TMEM178B: variants seen among roughly 807,000 people sequenced by gnomAD.
TMEM178B encodes the protein transmembrane protein 178B.
Under a neutral mutation model 31.0 loss-of-function variants are expected in TMEM178B, and 5 were observed. That is an observed-to-expected ratio of 0.16 (90% CI 0.08 to 0.34). TMEM178B has a LOEUF of 0.34. Ranked by LOEUF, TMEM178B falls within the 10% of genes least tolerant of loss-of-function variation. The pLI, the probability that TMEM178B is intolerant of heterozygous loss-of-function variation, is 1.00. For synonymous variants in TMEM178B, 164 were observed against 164.0 expected, an observed-to-expected ratio of 1.00 and a Z score of 0.00; for missense variants, 275 against 400.3, an observed-to-expected ratio of 0.69 and a Z score of 2.67.
intron 2 of TMEM178B, among the ~76,000 whole-genome samples, chr7:141,236,442 G>C (rs1473443969): frequency 6.6e-6 from 1 of 152,228 alleles, no homozygotes; most frequent in Non-Finnish European, 1.5e-5. Context: ...TGCAGCCCTT[G>C]GGAGGTAAGC....
intron 3 of TMEM178B, among the ~76,000 whole-genome samples, chr7:141,446,420 T>C (rs777958504): frequency 7.9e-5 from 12 of 152,216 alleles, no homozygotes; most frequent in Non-Finnish European, 1.3e-4. Context: ...GTCTTTGTCA[T>C]TGGCTTTCTG....
chr7:141,446,348 A>G (rs141100727), intron 3 of TMEM178B, among the ~76,000 whole-genome samples: 2 of 152,302 alleles, frequency 1.3e-5, no homozygotes, highest in East Asian at 3.9e-4. Context: ...AGAATTCCCC[A>G]TCACTCGCCT....
chr7:141,170,347 C>G (rs1363140848), intron 1 of TMEM178B, among the ~76,000 whole-genome samples: 2 of 152,150 alleles, frequency 1.3e-5, no homozygotes, highest in African/African-American at 4.8e-5. Flanking sequence ...ACAGGACCCC[C>G]AAAATAGGTA....
chr7:141,410,268 A>T (rs1170192564), intron 2 of TMEM178B, among the ~76,000 whole-genome samples: 1 of 152,192 alleles, frequency 6.6e-6, no homozygotes, highest in African/African-American at 2.4e-5. Flanking sequence ...CTAGAGGAGC[A>T]CTGCTTTGCT....
chr7:141,084,881 AT>A (rs894208211), intron 1 of TMEM178B, among the ~76,000 whole-genome samples: 86 of 148,022 alleles, frequency 5.8e-4, no homozygotes, highest in East Asian at 3.5e-3. Flanking sequence ...TTGTTTTGTA[AT>A]TTTTTTTTTT....
chr7:141,448,295 G>A (rs1271014848), intron 3 of TMEM178B, among the ~76,000 whole-genome samples: 1 of 152,098 alleles, frequency 6.6e-6, no homozygotes, highest in Non-Finnish European at 1.5e-5. Flanking sequence ...AATTTATTGA[G>A]AATTGGACGT....
intron 2 of TMEM178B, among the ~76,000 whole-genome samples, chr7:141,420,373 A>T (rs1238314689): frequency 3.9e-5 from 6 of 152,150 alleles, no homozygotes; most frequent in Admixed American, 3.9e-4. Flanking sequence ...GAACCCAAAG[A>T]GGGAATTTCT....
chr7:141,081,200 G>A (rs763353476), intron 1 of TMEM178B, among the ~76,000 whole-genome samples: 2 of 152,170 alleles, frequency 1.3e-5, no homozygotes, highest in African/African-American at 2.4e-5. Context: ...TGTGGAGGTG[G>A]AAGACAGCGA....
At chr7:141,081,060 T>TA (rs1371527226) in intron 1 of TMEM178B, among the ~76,000 whole-genome samples, 3 of 151,992 alleles carry the variant, frequency 2.0e-5, no homozygotes, top group Admixed American at 6.6e-5. Context: ...CTTCTGCTTA[T>TA]AAAAAAAAGT....
At chr7:141,117,320 G>A (rs1305355261) in intron 1 of TMEM178B, among the ~76,000 whole-genome samples, 1 of 152,130 alleles carries the variant, frequency 6.6e-6, no homozygotes, top group Non-Finnish European at 1.5e-5. Flanking sequence ...CTTCTTTTGA[G>A]AAGTGTCTGT....
At chr7:141,463,416 G>T (rs181619644) in intron 3 of TMEM178B, among the ~76,000 whole-genome samples, 3 of 152,214 alleles carry the variant, frequency 2.0e-5, no homozygotes, top group Non-Finnish European at 4.4e-5. Context: ...CTTGCAGATG[G>T]ACAAAGCCGG....
intron 2 of TMEM178B, among the ~76,000 whole-genome samples, chr7:141,338,974 A>G (rs940903275): frequency 6.6e-6 from 1 of 152,198 alleles, no homozygotes; most frequent in Non-Finnish European, 1.5e-5. Context: ...GTAAATTGTT[A>G]TTTCAGAAAT....
At chr7:141,204,294 G>A (rs778154554) in intron 1 of TMEM178B, among the ~76,000 whole-genome samples, 1 of 152,210 alleles carries the variant, frequency 6.6e-6, no homozygotes, top group Non-Finnish European at 1.5e-5. Flanking sequence ...CTGTGAGAAA[G>A]CATCTCATAA....
At chr7:141,255,080 A>G (rs1055430112) in intron 2 of TMEM178B, among the ~76,000 whole-genome samples, 1 of 152,232 alleles carries the variant, frequency 6.6e-6, no homozygotes, top group Non-Finnish European at 1.5e-5. Flanking sequence ...CCATGAGGTC[A>G]ATGGGAAGAT....
chr7:141,345,693 C>T (rs778997812), intron 2 of TMEM178B, among the ~76,000 whole-genome samples: 1 of 152,034 alleles, frequency 6.6e-6, no homozygotes, highest in Non-Finnish European at 1.5e-5. Flanking sequence ...ACTTATCTCT[C>T]GAAGAAAAAA....
intron 1 of TMEM178B, among the ~76,000 whole-genome samples, chr7:141,082,077 C>T (rs1794695151): frequency 6.6e-6 from 1 of 152,216 alleles, no homozygotes; most frequent in South Asian, 2.1e-4. Context: ...ATAGGCTATA[C>T]CACATAACCT....
At chr7:141,232,746 G>T (rs974654694) in intron 2 of TMEM178B, among the ~76,000 whole-genome samples, 7 of 152,076 alleles carry the variant, frequency 4.6e-5, no homozygotes, top group Admixed American at 6.6e-5. Context: ...GCTTTCCCTG[G>T]CTCCATGGTG....
chr7:141,434,796 C>A (rs528876799), intron 2 of TMEM178B, among the ~76,000 whole-genome samples: 3 of 152,122 alleles, frequency 2.0e-5, no homozygotes, highest in Non-Finnish European at 2.9e-5. Flanking sequence ...CTCTGGTAAC[C>A]GTTACTGTAC....
chr7:141,334,235 G>A (rs752795875), intron 2 of TMEM178B, among the ~76,000 whole-genome samples: 1 of 152,202 alleles, frequency 6.6e-6, no homozygotes, highest in South Asian at 2.1e-4. Context: ...TGGTCAGACC[G>A]ATGTGTGTTC....
Sources: allele counts gnomAD v4.1 joint callset (sites outside exome capture counted in the v4.1 genomes callset), GRCh38; gene constraint gnomAD v4.1.1; transcripts MANE v1.5; gene names NCBI Gene and HGNC (gene_info 2026-07-23, HGNC 2026-07-21).